UBAP2: variants seen among roughly 807,000 people sequenced by gnomAD.
UBAP2 encodes ubiquitin-associated protein 2.
In UBAP2, 75 loss-of-function variants were observed where a neutral mutation model predicts 139.6. The ratio of observed to expected loss-of-function variants is 0.54; its 90% confidence interval spans 0.45 to 0.65. The LOEUF (loss-of-function observed/expected upper bound fraction) is 0.65, where lower values mean the gene tolerates loss of function less well. Ranked by LOEUF, UBAP2 falls within the 30% of genes least tolerant of loss-of-function variation. The probability of loss-of-function intolerance (pLI) is 0.00; values close to 1 mark genes in which losing one functional copy is unlikely to be tolerated. For missense variants in UBAP2, 1,368 were observed against 1,369.6 expected, an observed-to-expected ratio of 1.00 and a Z score of 0.02; for synonymous variants, 526 against 526.2, an observed-to-expected ratio of 1.00 and a Z score of 0.01.
rs1827929293 is a variant in UBAP2, at chr9:33,971,720, A to G, written c.610T>C (p.Ser204Pro). ...FNPADYSDST[S>P]TDVCGTKLVV... ...AGCTTTGTCCCACACACATCTGTAG[A>G]TGTAGAATCTGAATAGTCTGCAGGA... Residue 204 changes from serine to proline, a missense_variant, in exon 8 of 29, where the codon TCT (serine) becomes CCT (proline). Transcript: ENST00000379238. 9 of 1,612,130 alleles carry G rather than the reference A, an allele frequency of 5.6e-6. No homozygotes were observed. The highest frequency in any genetic ancestry group is 1.6e-4 in the Middle Eastern group (1 of 6,062).
At chr9:34,032,918 A>AC (rs1267631347) in intron 1 of UBAP2, among the ~76,000 whole-genome samples, 1 of 99,392 alleles carries the variant, frequency 1.0e-5, no homozygotes, top group Non-Finnish European at 2.2e-5. Context: ...CCTGTCTTCA[A>AC]AAAAAAAAAA....
chr9:34,009,499 A>G (rs1823558437), intron 2 of UBAP2, among the ~76,000 whole-genome samples: 1 of 152,106 alleles, frequency 6.6e-6, no homozygotes, highest in Non-Finnish European at 1.5e-5. Flanking sequence ...AGCTCAAACA[A>G]TCCTCCCACC....
rs1005788876 is a variant in UBAP2 at position 34,048,846 on chromosome 9, C to G, written c.-63G>C. 6.6e-6 allele frequency: 1 copy of G among 152,668 alleles called. No individual in the cohort carries two copies. Among genetic ancestry groups the G allele is most frequent in the South Asian group, 2.1e-4 (1 of 4,828 alleles). The allele number at this position is 152,668 out of a possible 1,614,324, so 9.5% of individuals were successfully genotyped here. On this transcript the variant is annotated 5_prime_UTR_variant, in exon 1 of 29. Transcript: ENST00000379238. ...TTACCGCTGCTGCTCTCGGAGGACC[C>G]AAGACCCGCTGCCGCCGCCGCCGCT...
intron 9 of UBAP2, among the ~76,000 whole-genome samples, chr9:33,961,712 T>A (rs925092235): frequency 6.6e-6 from 1 of 152,156 alleles, no homozygotes; most frequent in African/African-American, 2.4e-5. Context: ...GAGTTAATCA[T>A]CTGACAAACA....
At position 34,036,324 on chromosome 9, in the gene UBAP2, T is replaced by C. The variant is rs536621622; in HGVS notation, c.-42+12501A>G. Among the ~76,000 whole-genome samples the C allele has an allele frequency of 1.2e-3, 187 of 152,050 alleles. 1 individual carries two copies. The highest frequency in any genetic ancestry group is 4.2e-3 in the African/African-American group (176 of 41,488). Reference sequence around the variant, plus strand: ...TAGAGATGGGGTTTCTCCATGTTGGTCAGGATGGTCTCAAACTCCCGACCT... The same window carrying C: ...TAGAGATGGGGTTTCTCCATGTTGGCCAGGATGGTCTCAAACTCCCGACCT... On this transcript the variant is annotated intron_variant, in intron 1 of 28. Transcript: ENST00000379238.
intron 5 of UBAP2, among the ~76,000 whole-genome samples, chr9:33,987,404 T>C (rs1587617655): frequency 6.6e-6 from 1 of 152,030 alleles, no homozygotes; most frequent in African/African-American, 2.4e-5. Context: ...TGAGCAAGAC[T>C]CTGTCTCAGA....
intron 2 of UBAP2, among the ~76,000 whole-genome samples, chr9:34,006,101 C>T (rs571493387): frequency 1.1e-4 from 17 of 152,076 alleles, no homozygotes; most frequent in Admixed American, 7.2e-4. Flanking sequence ...GGCATGGTGG[C>T]GTGCACCTGT....
intron 1 of UBAP2, among the ~76,000 whole-genome samples, chr9:34,039,681 C>T (rs1826859413): frequency 6.6e-6 from 1 of 151,900 alleles, no homozygotes. Flanking sequence ...TCCCTAATCT[C>T]AAGTACCCAG....
chr9:34,039,117 C>T (rs1412888267), intron 1 of UBAP2, among the ~76,000 whole-genome samples: 16 of 150,268 alleles, frequency 1.1e-4, no homozygotes, highest in Non-Finnish European at 2.1e-4. Context: ...GGAGCGTCTC[C>T]GCCCGGCAGC....
intron 1 of UBAP2, among the ~76,000 whole-genome samples, chr9:34,044,982 A>G (rs1827441749): frequency 9.6e-6 from 1 of 103,688 alleles, no homozygotes; most frequent in African/African-American, 3.3e-5. Flanking sequence ...CTGGATTCCA[A>G]TTCAATTATG....
intron 15 of UBAP2, among the ~76,000 whole-genome samples, chr9:33,942,350 C>T (rs1016268109): frequency 5.3e-5 from 8 of 151,828 alleles, no homozygotes; most frequent in Admixed American, 5.3e-4. Context: ...TTAAGGAATC[C>T]AGGTGTTTGA....
intron 22 of UBAP2, 47 bp downstream of exon 22, chr9:33,926,570 T>TA (rs767514151): frequency 6.2e-7 from 1 of 1,609,918 alleles, no homozygotes; most frequent in Admixed American, 1.7e-5. Flanking sequence ...GGGGGACATG[T>TA]AAAAGATTCT....
At chr9:33,942,011 G>T (rs1052056267) in intron 15 of UBAP2, 149 bp from the exon 16 acceptor site, 4 of 629,500 alleles carry the variant, frequency 6.4e-6, no homozygotes, top group Non-Finnish European at 1.1e-5. Flanking sequence ...AGAGATAGGG[G>T]GACATCTTTA....
intron 19 of UBAP2, chr9:33,928,561 G>A (rs1346943954): frequency 1.3e-5 from 2 of 152,490 alleles, no homozygotes; most frequent in Non-Finnish European, 2.9e-5. Flanking sequence ...CCTCACCAGT[G>A]CCCACCTAAA....
chr9:33,996,563 T>C (rs2061877759), intron 3 of UBAP2: 1 of 466,402 alleles, frequency 2.1e-6, no homozygotes, highest in Non-Finnish European at 3.8e-6. Context: ...TCCTCCAAGT[T>C]GACCAAGGAG....
intron 2 of UBAP2, among the ~76,000 whole-genome samples, chr9:34,008,909 G>A (rs1300963818): frequency 7.1e-6 from 1 of 141,502 alleles, no homozygotes; most frequent in Non-Finnish European, 1.5e-5. Context: ...AGGTTGCAGT[G>A]AGCCAAGGTC....
At chr9:33,992,498 T>TG (rs1821798325) in intron 4 of UBAP2, among the ~76,000 whole-genome samples, 1 of 151,568 alleles carries the variant, frequency 6.6e-6, no homozygotes, top group South Asian at 2.1e-4. Flanking sequence ...AGGCAGAGGT[T>TG]GCAGTGAGCT....
intron 10 of UBAP2, among the ~76,000 whole-genome samples, chr9:33,958,476 T>A (rs900207993): frequency 2.0e-5 from 3 of 151,934 alleles, no homozygotes; most frequent in Non-Finnish European, 4.4e-5. Flanking sequence ...AATGGTGTGA[T>A]CTTGTCTCAC....
At chr9:33,991,350 G>A (rs896750932) in intron 4 of UBAP2, among the ~76,000 whole-genome samples, 9 of 152,072 alleles carry the variant, frequency 5.9e-5, no homozygotes, top group African/African-American at 1.7e-4. Context: ...TTTATGTGCA[G>A]ACAAAATGAT....
Sources: allele counts gnomAD v4.1 joint callset (sites outside exome capture counted in the v4.1 genomes callset), GRCh38; gene constraint gnomAD v4.1.1; transcripts MANE v1.5; gene names NCBI Gene and HGNC (gene_info 2026-07-23, HGNC 2026-07-21).